Variants in KIRREL3 observed in about 807,000 individuals in gnomAD.
The protein encoded by KIRREL3 is kirre like nephrin family adhesion molecule 3.
Under a neutral mutation model 89.7 loss-of-function variants are expected in KIRREL3, and 36 were observed. The observed-to-expected ratio is 0.40, with a 90% CI of 0.31 to 0.53. KIRREL3 has a LOEUF of 0.53. Among genes scored for constraint, KIRREL3 ranks in the 20% least tolerant of loss-of-function variants. The pLI is 0.49. For missense variants in KIRREL3, 864 were observed against 1,056.6 expected (o/e 0.82, Z 2.53); for synonymous variants, 445 against 441.4 (o/e 1.01, Z -0.10).
chr11:126,511,448 A>G (rs1271706182), intron 4 of KIRREL3, among the ~76,000 whole-genome samples: 2 of 152,188 alleles, frequency 1.3e-5, no homozygotes, highest in East Asian at 3.9e-4. Context: ...TCACAGCAGC[A>G]AGATAACAAA....
At chr11:126,447,208 C>G (rs1955853705) in intron 8 of KIRREL3, among the ~76,000 whole-genome samples, 1 of 152,212 alleles carries the variant, frequency 6.6e-6, no homozygotes, top group Non-Finnish European at 1.5e-5. Context: ...CGGCTCTCAT[C>G]CCCTTCCCTC....
intron 1 of KIRREL3, among the ~76,000 whole-genome samples, chr11:126,619,645 T>A (rs1943497908): frequency 6.6e-6 from 1 of 152,238 alleles, no homozygotes; most frequent in Non-Finnish European, 1.5e-5. Flanking sequence ...TAGGCGGATT[T>A]GTAGTTAGGC....
intron 9 of KIRREL3, among the ~76,000 whole-genome samples, chr11:126,446,133 C>T (rs6590208): frequency 1.4e-5 from 2 of 139,278 alleles, no homozygotes; most frequent in Non-Finnish European, 3.0e-5. Context: ...GGGCAACAAG[C>T]GCAAAACTCC....
intron 1 of KIRREL3, among the ~76,000 whole-genome samples, chr11:126,864,926 T>A (rs1292583332): frequency 6.6e-6 from 1 of 152,108 alleles, no homozygotes; most frequent in Non-Finnish European, 1.5e-5. Flanking sequence ...CTACTGGCCT[T>A]AGGTGTGAAC....
In KIRREL3 at chr11:126,513,419, A is replaced by T. The variant is rs1958292570; in HGVS notation, c.433+7896T>A. Among the ~76,000 whole-genome samples, 1 of 152,094 alleles carries T rather than the reference A, an allele frequency of 6.6e-6. No homozygotes were observed. Among genetic ancestry groups the T allele is most frequent in the Admixed American group, 6.5e-5 (1 of 15,278 alleles). The stretch of plus-strand genomic sequence containing the variant: ...GGTGGGGCTGTGCATTCCTTGCATC[A>T]GGTCTTCTCCTTCTTGGAGAGGCTC... On this transcript the variant is annotated intron_variant, in intron 4 of 16. Transcript: ENST00000525144. The surrounding 1 kb of genome is among the most constrained non-coding windows in gnomAD (Gnocchi z 5.9).
chr11:126,775,220 G>C (rs1950136516), intron 1 of KIRREL3, among the ~76,000 whole-genome samples: 1 of 152,198 alleles, frequency 6.6e-6, no homozygotes, highest in Non-Finnish European at 1.5e-5. Flanking sequence ...ATGAGGAGCT[G>C]TGTGCCAGAT....
Position 126,570,812 on chromosome 11 carries a change from C to T in KIRREL3, c.56-7900G>A, listed in dbSNP as rs1319835943. Reference sequence around the variant, plus strand: ...GTGTGCCTGCAGGAAATCTACATGCCCATGTGGTCATCTATCCTTCGGCTT... The same window carrying T: ...GTGTGCCTGCAGGAAATCTACATGCTCATGTGGTCATCTATCCTTCGGCTT... On this transcript the variant is annotated intron_variant, in intron 1 of 16. Transcript: ENST00000525144. The surrounding 1 kb of genome is among the most constrained non-coding windows in gnomAD (Gnocchi z 6.1). Among the ~76,000 whole-genome samples the T allele has an allele frequency of 1.3e-5, 2 of 152,136 alleles. No individual in the cohort carries two copies. Among genetic ancestry groups the T allele is most frequent in the Non-Finnish European group, 2.9e-5 (2 of 68,036 alleles).
chr11:126,554,035 T>A (rs1939494871), intron 2 of KIRREL3, among the ~76,000 whole-genome samples: 1 of 152,042 alleles, frequency 6.6e-6, no homozygotes, highest in Non-Finnish European at 1.5e-5. Flanking sequence ...GTTGATCGAA[T>A]CCAGCAGCAC....
At chr11:126,851,465 G>C (rs552300685) in intron 1 of KIRREL3, among the ~76,000 whole-genome samples, 10 of 152,188 alleles carry the variant, frequency 6.6e-5, no homozygotes, top group Non-Finnish European at 1.3e-4. Context: ...GTAAATGAAA[G>C]GATGTGATTT....
intron 1 of KIRREL3, among the ~76,000 whole-genome samples, chr11:126,975,505 T>C (rs544918800): frequency 6.6e-6 from 1 of 152,314 alleles, no homozygotes; most frequent in Admixed American, 6.5e-5. Context: ...CTACCAGTAT[T>C]CCTACCCTCC....
rs1940521630 is a variant in KIRREL3 at position 126,566,397 on chromosome 11, G to A, written c.56-3485C>T. 6.6e-6 allele frequency among the ~76,000 whole-genome samples: 1 copy of A among 152,160 alleles called. No homozygotes were observed. The highest frequency in any genetic ancestry group is 1.5e-5 in the Non-Finnish European group (1 of 68,040). Reference sequence around the variant, plus strand: ...TCAGGACTGTGCCTTCTCCTGCTCTGAGCCCGTAGGACCAAGCACAGTGCC... The same window carrying A: ...TCAGGACTGTGCCTTCTCCTGCTCTAAGCCCGTAGGACCAAGCACAGTGCC... On this transcript the variant is annotated intron_variant, in intron 1 of 16. Coordinates refer to ENST00000525144, the MANE Select transcript of KIRREL3 (RefSeq NM_032531.4). This position sits in a 1 kb window ranked among gnomAD's most constrained non-coding sequence, Gnocchi z 4.9.
At chr11:126,499,174 C>T (rs532576119) in intron 4 of KIRREL3, among the ~76,000 whole-genome samples, 18 of 139,612 alleles carry the variant, frequency 1.3e-4, no homozygotes, top group Non-Finnish European at 2.0e-4. Context: ...AAAAGCTGTG[C>T]GTTGCTCAGG....
At chr11:126,737,169 G>T (rs568796588) in intron 1 of KIRREL3, among the ~76,000 whole-genome samples, 10 of 152,200 alleles carry the variant, frequency 6.6e-5, no homozygotes, top group Non-Finnish European at 1.3e-4. Context: ...TTGGAGGCCG[G>T]CTTGTCAGAC....
At chr11:126,699,449 G>A (rs949972337) in intron 1 of KIRREL3, among the ~76,000 whole-genome samples, 3 of 152,180 alleles carry the variant, frequency 2.0e-5, no homozygotes, top group African/African-American at 7.2e-5. Context: ...AATGCGAGCT[G>A]CAGCTGCAAT....
Position 126,976,800 on chromosome 11 carries a change from G to A in KIRREL3, c.55+23655C>T, listed in dbSNP as rs773064155. On this transcript the variant is annotated intron_variant, in intron 1 of 16. Transcript: ENST00000525144. This position sits in a 1 kb window ranked among gnomAD's most constrained non-coding sequence, Gnocchi z 4.2. Reference sequence around the variant, plus strand: ...CTACATCATAGAAGGGTAAAGGAGAGGGGAGGTTACTACTGGCATAAGGTT... The same window carrying A: ...CTACATCATAGAAGGGTAAAGGAGAAGGGAGGTTACTACTGGCATAAGGTT... 1.3e-5 allele frequency among the ~76,000 whole-genome samples: 2 copies of A among 152,110 alleles called. No individual in the cohort carries two copies. The highest frequency in any genetic ancestry group is 2.9e-5 in the Non-Finnish European group (2 of 68,024).
In KIRREL3 at chr11:126,923,214, T is replaced by TCC. The variant is rs1947492991; in HGVS notation, c.55+77240_55+77241insGG. ...CTTCTTCTTCTTCTTCTTCTTCTTC[T>TCC]TCTTCTTCTTCTTCTTCTTCTTCTT... On this transcript the variant is annotated intron_variant, in intron 1 of 16. Coordinates refer to ENST00000525144, the MANE Select transcript of KIRREL3 (RefSeq NM_032531.4). 2.1e-4 allele frequency among the ~76,000 whole-genome samples: 4 copies of TCC among 19,294 alleles called. 1 individual carries two copies. The highest frequency in any genetic ancestry group is 4.0e-4 in the Non-Finnish European group (4 of 9,928). 12.7% of individuals were successfully genotyped at this position (19,294 alleles called of 152,430 possible).
At chr11:126,451,075 G>A (rs550311418) in intron 7 of KIRREL3, among the ~76,000 whole-genome samples, 5 of 149,792 alleles carry the variant, frequency 3.3e-5, no homozygotes, top group South Asian at 2.1e-4. Context: ...ATGTGCATGT[G>A]TGTGCGTGTG....
chr11:126,666,520 A>G lies in KIRREL3; in HGVS notation c.56-103608T>C, dbSNP rs1945672269. ...TGATAAGAAAGTTACAGCCAAGTTT[A>G]TTGAACAATAACCCATTTCCTTCAT... On this transcript the variant is annotated intron_variant, in intron 1 of 16. Coordinates refer to ENST00000525144, the MANE Select transcript of KIRREL3 (RefSeq NM_032531.4). This position sits in a 1 kb window ranked among gnomAD's most constrained non-coding sequence, Gnocchi z 4.2. 6.6e-6 allele frequency among the ~76,000 whole-genome samples: 1 copy of G among 152,264 alleles called. No homozygotes were observed. The highest frequency in any genetic ancestry group is 2.4e-5 in the African/African-American group (1 of 41,478).
chr11:126,722,185 T>C (rs1948201324), intron 1 of KIRREL3, among the ~76,000 whole-genome samples: 1 of 152,228 alleles, frequency 6.6e-6, no homozygotes, highest in South Asian at 2.1e-4. Flanking sequence ...AAACATCCTG[T>C]TTCCAGTCAT....
Sources: gnomAD v4.1 joint callset for allele counts (sites outside exome capture counted in the v4.1 genomes callset) on GRCh38, gnomAD v4.1.1 for gene constraint, Gnocchi (gnomAD v3.1) non-coding constraint, MANE v1.5 for transcripts, NCBI Gene and HGNC (gene_info 2026-07-23, HGNC 2026-07-21) for gene names.